Variants in DHX35 observed in about 807,000 individuals in gnomAD.
DHX35 encodes the protein probable ATP-dependent RNA helicase DHX35.
In DHX35, 84 loss-of-function variants were observed where a neutral mutation model predicts 99.6. The ratio of observed to expected loss-of-function variants is 0.84; its 90% CI spans 0.71 to 1.01. The LOEUF (loss-of-function observed/expected upper bound fraction) is 1.01. DHX35 is among the 50% of genes least tolerant of loss of function. The probability of loss-of-function intolerance (pLI) is 0.00; values close to 1 mark genes in which losing one functional copy is unlikely to be tolerated. For synonymous variants in DHX35, 331 were observed against 316.2 expected (o/e 1.05, Z -0.50); for missense variants, 852 against 888.5 (o/e 0.96, Z 0.52).
At position 38,992,397 on chromosome 20, in the gene DHX35, C is replaced by A. The variant is rs962367060; in HGVS notation, c.554C>A (p.Thr185Asn). ...LDEAHERTLYTDIAIGLLKKI... is the reference protein window; with the variant it reads ...LDEAHERTLYNDIAIGLLKKI... ...GAAGCCCACGAGAGGACCTTGTACACTGACATTGCCATTGGCTTGCTAAAA... is the reference window on the plus strand; with the variant it reads ...GAAGCCCACGAGAGGACCTTGTACAATGACATTGCCATTGGCTTGCTAAAA... Residue 185 changes from threonine to asparagine, a missense_variant, in exon 7 of 22, where the codon ACT becomes AAT. Coordinates refer to ENST00000252011, the MANE Select transcript of DHX35 (RefSeq NM_021931.4). 1 of 1,614,142 alleles carries A rather than the reference C, an allele frequency of 6.2e-7. No individual in the cohort carries two copies. The highest frequency in any genetic ancestry group is 8.5e-7 in the Non-Finnish European group (1 of 1,180,000).
intron 5 of DHX35, among the ~76,000 whole-genome samples, chr20:38,990,911 A>G (rs2086327877): frequency 6.6e-6 from 1 of 152,220 alleles, no homozygotes; most frequent in African/African-American, 2.4e-5. Context: ...AAGATGAGTA[A>G]CTTGTCCAAG....
intron 11 of DHX35, among the ~76,000 whole-genome samples, chr20:39,005,110 TAGAA>T (rs1028992930): frequency 1.6e-4 from 24 of 152,244 alleles, no homozygotes; most frequent in African/African-American, 5.1e-4. Context: ...ATAAAAATAT[TAGAA>T]AGATTATTTT....
rs1293755025 is a variant in DHX35, at chr20:39,025,286, C to T, written c.1728C>T (p.Val576=). ...ATTTCCTGAATTACAAGGGTCTTGT[C>T]AGAGCTGCGACTGTAAGAGAACAAT... ...QEHFLNYKGL[V]RAATVREQLK... is the part of the protein sequence containing the mutation. Residue 576 remains valine, a synonymous_variant, in exon 18 of 22, where the codon GTC becomes GTT. Transcript: ENST00000252011. The T allele has an allele frequency of 4.3e-6, 7 of 1,613,570 alleles. No individual in the cohort carries two copies. In the Admixed American group the frequency reaches 6.7e-5, roughly 15 times the overall value.
intron 11 of DHX35, 69 bp from the exon 12 acceptor site, chr20:39,006,077 A>G (rs2086610951): frequency 6.5e-7 from 1 of 1,533,442 alleles, no homozygotes; most frequent in Non-Finnish European, 9.0e-7. Flanking sequence ...ATCTTTTAGG[A>G]TTTTTACGAG....
rs2086367475 is a variant in DHX35, at chr20:38,993,151, G to A, written c.582+726G>A. On this transcript the variant is annotated intron_variant, in intron 7 of 21. Transcript: ENST00000252011. The stretch of plus-strand genomic sequence containing the variant: ...GGGTGATTAAGAGCATAGGCATTGA[G>A]TCAGACTACCTGGGTTCAAATTCTG... Among the ~76,000 whole-genome samples, 3 of 152,298 alleles carry A rather than the reference G, an allele frequency of 2.0e-5. No individual in the cohort carries two copies. In the South Asian group the frequency reaches 6.2e-4, roughly 32 times the overall value.
At chr20:39,025,433 C>T in intron 18 of DHX35, 74 bp downstream of exon 18, 1 of 1,566,484 alleles carries the variant, frequency 6.4e-7, no homozygotes, top group Non-Finnish European at 8.7e-7. Context: ...AGTTCTCATG[C>T]TGGGCTGGTG....
rs962367060 is a variant in DHX35 at position 38,992,397 on chromosome 20, C to G, written c.554C>G (p.Thr185Ser). 6.2e-7 allele frequency: 1 copy of G among 1,614,024 alleles called. No individual in the cohort carries two copies. The highest frequency in any genetic ancestry group is 8.5e-7 in the Non-Finnish European group (1 of 1,180,008). ...GAAGCCCACGAGAGGACCTTGTACACTGACATTGCCATTGGCTTGCTAAAA... is the reference window on the plus strand; with the variant it reads ...GAAGCCCACGAGAGGACCTTGTACAGTGACATTGCCATTGGCTTGCTAAAA... ...LDEAHERTLYTDIAIGLLKKI... is the reference protein window; with the variant it reads ...LDEAHERTLYSDIAIGLLKKI... Residue 185 changes from threonine (T) to serine (S), a missense_variant, in exon 7 of 22, where the codon ACT (threonine) becomes AGT (serine). Thr to Ser is a moderately conservative substitution (Grantham distance 58). Coordinates refer to ENST00000252011, the MANE Select transcript of DHX35 (RefSeq NM_021931.4).
chr20:39,026,654 A>C (rs763792293), intron 18 of DHX35, among the ~76,000 whole-genome samples: 15 of 152,116 alleles, frequency 9.9e-5, no homozygotes, highest in Non-Finnish European at 2.1e-4. Flanking sequence ...GTCTGGTTGA[A>C]TTAGAAAATG....
At chr20:39,014,629 G>A (rs1017496446) in intron 13 of DHX35, among the ~76,000 whole-genome samples, 2 of 152,138 alleles carry the variant, frequency 1.3e-5, no homozygotes, top group African/African-American at 4.8e-5. Context: ...ACGTCTGATG[G>A]AGGGGAGGAT....
chr20:39,034,761 CTTTTTCT>C (rs1184364950), intron 21 of DHX35, among the ~76,000 whole-genome samples: 41 of 147,544 alleles, frequency 2.8e-4, no homozygotes, highest in South Asian at 1.5e-3. Flanking sequence ...TCATTTTTTT[CTTTTTCT>C]TTTTTCTTTT....
rs558901537 is a variant in DHX35, at chr20:39,022,768, G to A, written c.1593+833G>A. Among the ~76,000 whole-genome samples, 124 of 152,356 alleles carry A rather than the reference G, an allele frequency of 8.1e-4. 1 individual carries two copies. The highest frequency in any genetic ancestry group is 2.9e-3 in the African/African-American group (120 of 41,584). On this transcript the variant is annotated intron_variant, in intron 16 of 21. Coordinates refer to ENST00000252011, the MANE Select transcript of DHX35 (RefSeq NM_021931.4). ...GATCCAATCCCCACCTAAGGTGCAG[G>A]CATCAGCAATGACTAATTGAGTGAA...
intron 3 of DHX35, among the ~76,000 whole-genome samples, chr20:38,976,077 A>C (rs1402614436): frequency 6.6e-6 from 1 of 152,224 alleles, no homozygotes; most frequent in Non-Finnish European, 1.5e-5. Flanking sequence ...GGGAAGGAGA[A>C]AGAGCAGAGG....
chr20:39,009,871 T>C lies in DHX35; in HGVS notation c.1223-409T>C, dbSNP rs565600111. Among the ~76,000 whole-genome samples the C allele has an allele frequency of 3.3e-5, 5 of 152,280 alleles. No homozygotes were observed. In the South Asian group the frequency reaches 1.0e-3, roughly 32 times the overall value. On this transcript the variant is annotated intron_variant, in intron 12 of 21. Coordinates refer to ENST00000252011, the MANE Select transcript of DHX35 (RefSeq NM_021931.4). The stretch of plus-strand genomic sequence containing the variant: ...AATTTTTGCTCTTTATAAGATTTGG[T>C]CATTTGTTGTATTTTGGTGATTTAT...
chr20:38,985,161 T>C (rs1056721636), intron 4 of DHX35, among the ~76,000 whole-genome samples: 2 of 152,076 alleles, frequency 1.3e-5, no homozygotes, highest in African/African-American at 4.8e-5. Flanking sequence ...GGCAAGAGGA[T>C]TGCTTGAGCC....
At chr20:39,020,657 T>C (rs2086859277) in intron 15 of DHX35, among the ~76,000 whole-genome samples, 1 of 84,216 alleles carries the variant, frequency 1.2e-5, no homozygotes, top group Admixed American at 1.2e-4. Flanking sequence ...AACAGGATTC[T>C]TTTTTTTTTT....
At chr20:38,962,431 G>A (rs1233597782) in intron 1 of DHX35, 24 bp downstream of exon 1, 1 of 1,609,740 alleles carries the variant, frequency 6.2e-7, no homozygotes, top group Non-Finnish European at 8.5e-7. Flanking sequence ...TGGAACGCTG[G>A]GCAGATGCGG....
intron 13 of DHX35, among the ~76,000 whole-genome samples, chr20:39,013,420 A>G (rs1283281744): frequency 3.9e-5 from 6 of 152,236 alleles, no homozygotes; most frequent in Non-Finnish European, 8.8e-5. Context: ...AGAAGACCAC[A>G]CTAAAACTAT....
chr20:39,031,493 C>T (rs1013715521), intron 20 of DHX35, among the ~76,000 whole-genome samples: 5 of 152,172 alleles, frequency 3.3e-5, no homozygotes, highest in Middle Eastern at 3.4e-3. Context: ...TGTGCAATCA[C>T]GCCTGGCTAA....
At chr20:38,990,476 A>G (rs1449723433) in intron 5 of DHX35, among the ~76,000 whole-genome samples, 1 of 152,214 alleles carries the variant, frequency 6.6e-6, no homozygotes, top group Non-Finnish European at 1.5e-5. Context: ...ACTCTGTCCT[A>G]GGTCCTATGC....
Sources: gnomAD v4.1 joint callset for allele counts (sites outside exome capture counted in the v4.1 genomes callset) on GRCh38, gnomAD v4.1.1 for gene constraint, MANE v1.5 for transcripts, NCBI Gene and HGNC (gene_info 2026-07-23, HGNC 2026-07-21) for gene names.